Variants in TCHP observed in about 807,000 individuals in gnomAD.
TCHP encodes the protein trichoplein keratin filament-binding protein.
In TCHP, 81 loss-of-function variants were observed where a neutral mutation model predicts 88.7. That is an observed-to-expected ratio of 0.91 (90% CI 0.76 to 1.10). The LOEUF is 1.10. TCHP is among the 50% of genes least tolerant of loss of function. TCHP has a pLI of 0.00. For synonymous variants in TCHP, 232 were observed against 232.5 expected (o/e 1.00, Z 0.02); for missense variants, 641 against 632.1 (o/e 1.01, Z -0.15).
the TCHP span, among the ~76,000 whole-genome samples, chr12:109,889,996 C>T: frequency 6.6e-6 from 1 of 152,332 alleles, no homozygotes; most frequent in Middle Eastern, 3.4e-3. Context: ...GCTGTCATCC[C>T]AGGAAACACC....
In TCHP at chr12:109,913,044, G is replaced by C. The variant is rs780976160; in HGVS notation, c.1106G>C (p.Arg369Pro). ...EKREAEWARE[R>P]SARDRLMSEV... ...AGAGAGGCAGAGTGGGCCCGAGAGCGCAGCGCACGGGACAGACTGATGAGC... is the reference window on the plus strand; with the variant it reads ...AGAGAGGCAGAGTGGGCCCGAGAGCCCAGCGCACGGGACAGACTGATGAGC... Residue 369 changes from arginine (R) to proline (P), a missense_variant, in exon 10 of 13, where the codon CGC becomes CCC. Transcript: ENST00000405876. The C allele has an allele frequency of 1.9e-6, 3 of 1,613,890 alleles. No homozygotes were observed. Among genetic ancestry groups the C allele is most frequent in the Middle Eastern group, 1.7e-4 (1 of 6,054 alleles).
chr12:109,908,482 C>T, intron 6 of TCHP, 104 bp from the exon 7 acceptor site: 1 of 923,684 alleles, frequency 1.1e-6, no homozygotes. Context: ...ATGGCCAGGC[C>T]TCTGTTGGTG....
upstream of TCHP, among the ~76,000 whole-genome samples, chr12:109,899,328 A>G (rs1869654232): frequency 6.6e-6 from 1 of 152,208 alleles, no homozygotes; most frequent in Non-Finnish European, 1.5e-5. Context: ...TGAACTCACC[A>G]CCAATATAAG....
At position 109,906,589 on chromosome 12, in the gene TCHP, C is replaced by T; in HGVS notation, c.474C>T (p.His158=). 6.2e-7 allele frequency: 1 copy of T among 1,612,786 alleles called. No homozygotes were observed. The highest frequency in any genetic ancestry group is 1.1e-5 in the South Asian group (1 of 91,062). The change falls in exon 5 of 13, where the codon CAC becomes CAT. Residue 158 remains histidine (H), a synonymous_variant. Coordinates refer to ENST00000405876, the MANE Select transcript of TCHP (RefSeq NM_001143852.2). ...PKLREMELDL[H]QKHVVNSWEM... The stretch of plus-strand genomic sequence containing the variant: ...ATCCTCAGATGGAGCTGGACCTTCA[C>T]CAGAAGCATGTCGTAAACTCTTGGG...
At chr12:109,898,358 T>C (rs377480108), upstream of TCHP, among the ~76,000 whole-genome samples, 1 of 151,946 alleles carries the variant, frequency 6.6e-6, no homozygotes, top group African/African-American at 2.4e-5. Context: ...TACAGGTGCC[T>C]GCCACCACGC....
intron 11 of TCHP, chr12:109,914,830 G>A (rs544291129): frequency 5.6e-6 from 3 of 539,030 alleles, no homozygotes; most frequent in African/African-American, 3.8e-5. Context: ...GTGTGGGTGA[G>A]GCCGGTACTG....
At chr12:109,902,959 A>T (rs1869886813) in intron 1 of TCHP, 68 bp from the exon 2 acceptor site, 1 of 1,404,214 alleles carries the variant, frequency 7.1e-7, no homozygotes, top group African/African-American at 1.4e-5. Flanking sequence ...CGTTAAAGGG[A>T]TGAGGCCAAG....
the TCHP span, among the ~76,000 whole-genome samples, chr12:109,893,248 G>A: frequency 6.6e-5 from 10 of 152,038 alleles, no homozygotes; most frequent in African/African-American, 2.4e-4. Context: ...GTGTGGTGGT[G>A]CATGCCTGTA....
intron 12 of TCHP, among the ~76,000 whole-genome samples, chr12:109,916,003 C>G (rs1870801685): frequency 6.6e-6 from 1 of 152,214 alleles, no homozygotes; most frequent in Non-Finnish European, 1.5e-5. Context: ...TTCTCTGCCT[C>G]TCAGTGTCTT....
chr12:109,904,629 G>A (rs1870018144), intron 3 of TCHP, 108 bp from the exon 4 acceptor site: 1 of 910,980 alleles, frequency 1.1e-6, no homozygotes, highest in East Asian at 2.5e-5. Flanking sequence ...CAGTGACGGT[G>A]TGAAGGGAGG....
chr12:109,915,754 A>G (rs1464958546), intron 12 of TCHP, among the ~76,000 whole-genome samples: 1 of 152,140 alleles, frequency 6.6e-6, no homozygotes, highest in Non-Finnish European at 1.5e-5. Context: ...TTGGGCCTCA[A>G]ACCTTGAAGT....
At chr12:109,912,321 T>C (rs1269482866) in intron 9 of TCHP, among the ~76,000 whole-genome samples, 2 of 152,144 alleles carry the variant, frequency 1.3e-5, no homozygotes, top group African/African-American at 2.4e-5. Context: ...AAGAGGTCAC[T>C]CCGTCCAGGG....
the TCHP span, among the ~76,000 whole-genome samples, chr12:109,884,731 T>A: frequency 6.6e-6 from 1 of 152,202 alleles, no homozygotes; most frequent in South Asian, 2.1e-4. Context: ...AATCTCAAAC[T>A]CACACAAAAG....
chr12:109,906,151 G>C, intron 4 of TCHP, among the ~76,000 whole-genome samples: 1 of 152,232 alleles, frequency 6.6e-6, no homozygotes, highest in Non-Finnish European at 1.5e-5. Context: ...GGAGTACGTA[G>C]TCCATCTGCT....
upstream of TCHP, among the ~76,000 whole-genome samples, chr12:109,897,261 G>A (rs554042805): frequency 6.6e-6 from 1 of 152,334 alleles, no homozygotes; most frequent in South Asian, 2.1e-4. Flanking sequence ...GTAATCAAGA[G>A]GTTCAGAGTT....
At chr12:109,885,505 C>T in the TCHP span, among the ~76,000 whole-genome samples, 13 of 115,066 alleles carry the variant, frequency 1.1e-4, no homozygotes, top group South Asian at 1.1e-3. Flanking sequence ...TTTTTTGAGA[C>T]GGAGTCTCGC....
chr12:109,899,545 G>C (rs1275215071), upstream of TCHP, among the ~76,000 whole-genome samples: 3 of 152,130 alleles, frequency 2.0e-5, no homozygotes, highest in Non-Finnish European at 4.4e-5. Context: ...GGCTGAGGCA[G>C]GGTAATCGCT....
At chr12:109,912,727 G>A (rs1870574867) in intron 9 of TCHP, among the ~76,000 whole-genome samples, 1 of 152,168 alleles carries the variant, frequency 6.6e-6, no homozygotes, top group South Asian at 2.1e-4. Flanking sequence ...GGAGGTGGAG[G>A]TTGCAGTGAG....
Position 109,914,486 on chromosome 12 carries a change from G to T in TCHP, c.1179G>T (p.Gln393His). Reference sequence around the variant, plus strand: ...AGCAAATACAAGAGAAGATTGAGCAGAACCGACGGGCACAAGAGGAATCCC... The same window carrying T: ...AGCAAATACAAGAGAAGATTGAGCATAACCGACGGGCACAAGAGGAATCCC... ...RQQQIQEKIE[Q>H]NRRAQEESLK... The change falls in exon 11 of 13, where the codon CAG becomes CAT. Residue 393 changes from glutamine (Q) to histidine (H), a missense_variant. Transcript: ENST00000405876. The T allele has an allele frequency of 6.2e-7, 1 of 1,614,144 alleles. No homozygotes were observed. Among genetic ancestry groups the T allele is most frequent in the South Asian group, 1.1e-5 (1 of 91,054 alleles).
Sources: allele counts gnomAD v4.1 joint callset (sites outside exome capture counted in the v4.1 genomes callset), GRCh38; gene constraint gnomAD v4.1.1; transcripts MANE v1.5; gene names NCBI Gene and HGNC (gene_info 2026-07-23, HGNC 2026-07-21).